CARHSP1: variants seen among roughly 807,000 people sequenced by gnomAD.
CARHSP1 encodes the protein calcium regulated heat stable protein 1.
Under a neutral mutation model 12.5 loss-of-function variants are expected in CARHSP1, and 14 were observed. The ratio of observed to expected loss-of-function variants is 1.12; its 90% CI spans 0.74 to 1.75. CARHSP1 has a LOEUF of 1.75. Ranked by LOEUF, CARHSP1 falls within the 40% of genes most tolerant of loss-of-function variation. The probability of loss-of-function intolerance (pLI) is 0.00; values close to 1 mark genes in which losing one functional copy is unlikely to be tolerated. For missense variants in CARHSP1, 343 were observed against 201.6 expected (o/e 1.70, Z -4.25); for synonymous variants, 161 against 82.0 (o/e 1.96, Z -5.20).
chr16:8,862,831 A>C (rs2061390128), intron 1 of CARHSP1, among the ~76,000 whole-genome samples: 1 of 152,178 alleles, frequency 6.6e-6, no homozygotes, highest in Non-Finnish European at 1.5e-5. Context: ...CATCACTGTC[A>C]TTGTCACCAT....
rs751527375 is a variant in CARHSP1, at chr16:8,859,282, G to T, written c.47C>A (p.Ala16Asp). 1.9e-6 allele frequency: 3 copies of T among 1,603,754 alleles called. No homozygotes were observed. The Admixed American group carries it at 5.1e-5, about 27-fold the overall frequency. The change falls in exon 2 of 4, where the codon GCT becomes GAT. Residue 16 changes from alanine (A) to aspartate (D), a missense_variant. Coordinates refer to ENST00000311052, the MANE Select transcript of CARHSP1 (RefSeq NM_014316.4). Reference protein sequence around the residue: ...PPPPQPPTHQASVGLLDTPRS... With the variant: ...PPPPQPPTHQDSVGLLDTPRS... The stretch of plus-strand genomic sequence containing the variant: ...AGGGGTGTCCAGCAGCCCGACTGAA[G>T]CTTGATGGGTGGGGGGCTGTGGTGG...
At position 8,855,169 on chromosome 16, in the gene CARHSP1, A is replaced by G; in HGVS notation, c.439T>C (p.Ser147Pro). Residue 147 changes from serine (S) to proline (P), a missense_variant, in exon 4 of 4, where the codon TCC becomes CCC. Ser to Pro is a moderately conservative substitution (Grantham distance 74). Transcript: ENST00000311052. ...HETWSGHVIS[S>P] Reference sequence around the variant, plus strand: ...AGGGGTGCTTCCACCATCTCCTAGGAGCTGATGACATGTCCAGACCAGGTC... The same window carrying G: ...AGGGGTGCTTCCACCATCTCCTAGGGGCTGATGACATGTCCAGACCAGGTC... The G allele has an allele frequency of 6.3e-7, 1 of 1,594,190 alleles. No homozygotes were observed. Among genetic ancestry groups the G allele is most frequent in the Non-Finnish European group, 8.6e-7 (1 of 1,168,132 alleles).
At position 8,861,199 on chromosome 16, in the gene CARHSP1, T is replaced by TTTTTTTTTTA. The variant is rs1567187143; in HGVS notation, c.-7-1865_-7-1864insTAAAAAAAAA. ...TTTTTTTTTTTTTTTTTTTTTTTTT[T>TTTTTTTTTTA]ATAGAGACAGGGTATCACTATGTTG... is the stretch of plus-strand genomic sequence containing the variant. On this transcript the variant is annotated intron_variant, in intron 1 of 3. Coordinates refer to ENST00000311052, the MANE Select transcript of CARHSP1 (RefSeq NM_014316.4). Among the ~76,000 whole-genome samples the TTTTTTTTTTA allele has an allele frequency of 1.3e-4, 8 of 60,570 alleles. 2 individuals carry two copies. Among genetic ancestry groups the TTTTTTTTTTA allele is most frequent in the Non-Finnish European group, 9.7e-5 (3 of 30,854 alleles). The allele number at this position is 60,570 out of a possible 152,430, so 39.7% of individuals were successfully genotyped here.
intron 1 of CARHSP1, among the ~76,000 whole-genome samples, chr16:8,863,821 C>CT (rs1367054678): frequency 1.3e-5 from 2 of 152,318 alleles, no homozygotes; most frequent in Admixed American, 1.3e-4. Context: ...TGGCCAGCCT[C>CT]TGCTGTGTCC....
At chr16:8,859,130 G>C (rs773056685) in intron 2 of CARHSP1, 41 bp downstream of exon 2, 4 of 1,533,820 alleles carry the variant, frequency 2.6e-6, no homozygotes, top group East Asian at 4.7e-5. Context: ...TCAGGCAAGA[G>C]ATCCATCTGA....
In CARHSP1 at chr16:8,855,244, G is replaced by T; in HGVS notation, c.364C>A (p.Gln122Lys). 1 of 1,613,298 alleles carries T rather than the reference G, an allele frequency of 6.2e-7. No individual in the cohort carries two copies. The highest frequency in any genetic ancestry group is 8.5e-7 in the Non-Finnish European group (1 of 1,179,504). ...TGAGTGATGACGACCTCCACGGCCT[G>T]CAGCTTCTCATTCTTGGGTGGGATG... ...CSIPPKNEKL[Q>K]AVEVVITHLA... is the part of the protein sequence containing the mutation. The change falls in exon 4 of 4, where the codon CAG becomes AAG. Residue 122 changes from glutamine to lysine, a missense_variant. Coordinates refer to ENST00000311052, the MANE Select transcript of CARHSP1 (RefSeq NM_014316.4).
At chr16:8,858,114 A>G in intron 3 of CARHSP1, 1 of 558,102 alleles carries the variant, frequency 1.8e-6, no homozygotes, top group Non-Finnish European at 3.2e-6. Context: ...GGACAATCAC[A>G]AGTACCGTGT....
intron 1 of CARHSP1, chr16:8,866,500 C>T (rs2061457322): frequency 2.0e-6 from 2 of 984,572 alleles, no homozygotes; most frequent in African/African-American, 1.7e-5. Flanking sequence ...CGCAGCTGAG[C>T]CCCAGCCTGG....
chr16:8,860,427 C>A, intron 1 of CARHSP1: 3 of 985,418 alleles, frequency 3.0e-6, no homozygotes, highest in Non-Finnish European at 3.6e-6. Flanking sequence ...GCAGGACACT[C>A]GCTGTACACA....
chr16:8,862,843 G>A lies in CARHSP1; in HGVS notation c.-7-3508C>T, dbSNP rs573199761. The stretch of plus-strand genomic sequence containing the variant: ...CATCATCACTGTCATTGTCACCATC[G>A]TCGTCCTCCTTGCATCTTCCATTTG... On this transcript the variant is annotated intron_variant, in intron 1 of 3. Coordinates refer to ENST00000311052, the MANE Select transcript of CARHSP1 (RefSeq NM_014316.4). 6.6e-5 allele frequency among the ~76,000 whole-genome samples: 10 copies of A among 152,156 alleles called. No homozygotes were observed. In the South Asian group the frequency reaches 1.7e-3, roughly 25 times the overall value.
rs1413413032 is a variant in CARHSP1, at chr16:8,853,061, G to C, written c.*2103C>G. 6.6e-6 allele frequency: 1 copy of C among 152,136 alleles called. No homozygotes were observed. Among genetic ancestry groups the C allele is most frequent in the Non-Finnish European group, 1.5e-5 (1 of 68,034 alleles). 9.4% of individuals were successfully genotyped at this position (152,136 alleles called of 1,614,324 possible). A position where few individuals can be genotyped will look rare whatever the true frequency, so the allele number is the denominator to read the frequency against. Reference sequence around the variant, plus strand: ...TCACCAAAACCCTCCGTCCCTCCCAGAGCCTCGAGGAGTTTCCCCTTGTGT... The same window carrying C: ...TCACCAAAACCCTCCGTCCCTCCCACAGCCTCGAGGAGTTTCCCCTTGTGT... On this transcript the variant is annotated 3_prime_UTR_variant, in exon 4 of 4. Coordinates refer to ENST00000311052, the MANE Select transcript of CARHSP1 (RefSeq NM_014316.4).
At chr16:8,863,111 G>GTTTT (rs1567188997) in intron 1 of CARHSP1, among the ~76,000 whole-genome samples, 2 of 90,920 alleles carry the variant, frequency 2.2e-5, no homozygotes, top group African/African-American at 4.2e-5. Flanking sequence ...CACAAGGATG[G>GTTTT]CTTTTTTTTT....
At chr16:8,857,239 G>A (rs1243116729) in intron 3 of CARHSP1, among the ~76,000 whole-genome samples, 2 of 135,624 alleles carry the variant, frequency 1.5e-5, no homozygotes, top group African/African-American at 2.7e-5. Context: ...ATCACTTTCT[G>A]GCTATGTGAT....
intron 2 of CARHSP1, 165 bp downstream of exon 2, chr16:8,859,006 C>T (rs940295381): frequency 2.0e-5 from 12 of 591,458 alleles, no homozygotes; most frequent in Non-Finnish European, 3.4e-5. Context: ...CCTGAATTTA[C>T]AAGGCGCCTT....
intron 1 of CARHSP1, chr16:8,866,320 G>C (rs1402995891): frequency 3.9e-6 from 2 of 517,148 alleles, no homozygotes; most frequent in African/African-American, 2.1e-5. Flanking sequence ...CAGTAGCCGG[G>C]CTACACTGGC....
chr16:8,864,237 C>T (rs1209164616), intron 1 of CARHSP1, among the ~76,000 whole-genome samples: 1 of 152,154 alleles, frequency 6.6e-6, no homozygotes, highest in Non-Finnish European at 1.5e-5. Flanking sequence ...TGCATCTGAG[C>T]GCATACACGT....
At chr16:8,861,975 T>C (rs2061368660) in intron 1 of CARHSP1, among the ~76,000 whole-genome samples, 1 of 141,772 alleles carries the variant, frequency 7.1e-6, no homozygotes, top group African/African-American at 2.6e-5. Context: ...TCTCCTGGAG[T>C]CAAGCATAGC....
intron 1 of CARHSP1, among the ~76,000 whole-genome samples, chr16:8,861,371 G>C (rs931016582): frequency 2.6e-5 from 4 of 151,406 alleles, no homozygotes; most frequent in Admixed American, 2.6e-4. Flanking sequence ...GTTTCCAGCT[G>C]CTCATGGAAA....
At chr16:8,860,678 C>T (rs984442202) in intron 1 of CARHSP1, among the ~76,000 whole-genome samples, 1 of 151,900 alleles carries the variant, frequency 6.6e-6, no homozygotes, top group Non-Finnish European at 1.5e-5. Context: ...CAGGACGCCA[C>T]TCAACACCAC....
Sources: gnomAD v4.1 joint callset for allele counts (sites outside exome capture counted in the v4.1 genomes callset) on GRCh38, gnomAD v4.1.1 for gene constraint, MANE v1.5 for transcripts, NCBI Gene and HGNC (gene_info 2026-07-23, HGNC 2026-07-21) for gene names.